The following PPARGC1B variants were observed in gnomAD, a reference collection of about 807,000 sequenced individuals.
PPARGC1B encodes PPARG coactivator 1 beta, also known as peroxisome proliferator-activated receptor gamma coactivator 1-beta.
A neutral mutation model predicts 101.6 loss-of-function variants in PPARGC1B; 34 were observed. That is an observed-to-expected ratio of 0.33 (90% confidence interval 0.25 to 0.45). The LOEUF is 0.45. Ranked by LOEUF, PPARGC1B falls within the 20% of genes least tolerant of loss-of-function variation. The probability of loss-of-function intolerance (pLI) is 1.00; values close to 1 mark genes in which losing one functional copy is unlikely to be tolerated. For synonymous variants in PPARGC1B, 548 were observed against 539.3 expected (o/e 1.02, Z -0.22); for missense variants, 1,234 against 1,317.6 (o/e 0.94, Z 0.98).
intron 1 of PPARGC1B, among the ~76,000 whole-genome samples, chr5:149,778,483 G>A (rs1756477521): frequency 6.6e-6 from 1 of 152,012 alleles, no homozygotes; most frequent in Admixed American, 6.6e-5. Context: ...CTGTCTCATG[G>A]AGAGTACCTG....
chr5:149,811,142 A>G (rs1470910809), intron 1 of PPARGC1B, among the ~76,000 whole-genome samples: 12 of 152,224 alleles, frequency 7.9e-5, no homozygotes, highest in African/African-American at 2.7e-4. Flanking sequence ...GTCTTTTGCT[A>G]TAGGACTGTT....
chr5:149,826,268 A>T (rs1029350874), intron 2 of PPARGC1B, among the ~76,000 whole-genome samples: 6 of 152,130 alleles, frequency 3.9e-5, no homozygotes, highest in Non-Finnish European at 8.8e-5. Flanking sequence ...CCTGGACCCC[A>T]GGGTCTGAGG....
intron 7 of PPARGC1B, among the ~76,000 whole-genome samples, chr5:149,835,588 T>C (rs1759021138): frequency 6.6e-6 from 1 of 152,208 alleles, no homozygotes; most frequent in South Asian, 2.1e-4. Context: ...GAACCAGCAT[T>C]ACAGGCGTGA....
chr5:149,809,403 CATAGATAG>C (rs201252118), intron 1 of PPARGC1B, among the ~76,000 whole-genome samples: 2 of 65,022 alleles, frequency 3.1e-5, no homozygotes, highest in African/African-American at 6.1e-5. Context: ...CCATCTCTAC[CATAGATAG>C]ATAGATAGAT....
intron 1 of PPARGC1B, among the ~76,000 whole-genome samples, chr5:149,804,544 T>C (rs1200247834): frequency 6.6e-6 from 1 of 152,128 alleles, no homozygotes; most frequent in East Asian, 1.9e-4. Context: ...TGGTGGAGCA[T>C]GCCTGTAGTC....
intron 1 of PPARGC1B, among the ~76,000 whole-genome samples, chr5:149,789,459 TC>T (rs1756935697): frequency 1.3e-5 from 2 of 152,166 alleles, no homozygotes; most frequent in African/African-American, 2.4e-5. Context: ...CAAGCAGAGT[TC>T]CTAGGAGGAT....
In PPARGC1B at chr5:149,732,350, A is replaced by C. The variant is rs10476744; in HGVS notation, c.78+1930A>C. The stretch of plus-strand genomic sequence containing the variant: ...CTCTTGGCTGAAAAGCGGATGAGAG[A>C]GGCCTGAAATAGCCGGAGACTCGTT... On this transcript the variant is annotated intron_variant, in intron 1 of 11. Coordinates refer to ENST00000309241, the MANE Select transcript of PPARGC1B (RefSeq NM_133263.4). 3.0e-3 allele frequency among the ~76,000 whole-genome samples: 454 copies of C among 152,298 alleles called. 1 individual carries two copies. The highest frequency in any genetic ancestry group is 0.01 in the African/African-American group (419 of 41,586).
intron 1 of PPARGC1B, among the ~76,000 whole-genome samples, chr5:149,784,528 T>A (rs1401242894): frequency 6.8e-6 from 1 of 147,582 alleles, no homozygotes; most frequent in African/African-American, 2.5e-5. Context: ...CCCTCCCAGG[T>A]GTCCTGAGCC....
At chr5:149,772,288 A>G (rs1284978776) in intron 1 of PPARGC1B, 5 of 1,475,382 alleles carry the variant, frequency 3.4e-6, no homozygotes, top group Non-Finnish European at 4.6e-6. Context: ...AGGGTACGGT[A>G]GTGTGCGTGA....
Position 149,833,855 on chromosome 5 carries a change from C to G in PPARGC1B, c.1705+77C>G. 4 of 1,421,790 alleles carry G rather than the reference C, an allele frequency of 2.8e-6. No homozygotes were observed. The highest frequency in any genetic ancestry group is 3.7e-6 in the Non-Finnish European group (4 of 1,092,514). 88.1% of individuals were successfully genotyped at this position (1,421,790 alleles called of 1,614,324 possible). A position where few individuals can be genotyped will look rare whatever the true frequency, so the allele number is the denominator to read the frequency against. ...GCCCCTCTGCACTGGGAGCCAGGAG[C>G]CCTGTGTTCAAGTCCCCGTCCCCCA... is the stretch of plus-strand genomic sequence containing the variant. On this transcript the variant is annotated intron_variant, in intron 5 of 11. Coordinates refer to ENST00000309241, the MANE Select transcript of PPARGC1B (RefSeq NM_133263.4). This position sits in a 1 kb window ranked among gnomAD's most constrained non-coding sequence, Gnocchi z 4.1.
intron 1 of PPARGC1B, among the ~76,000 whole-genome samples, chr5:149,743,486 C>T (rs1432703526): frequency 6.6e-6 from 1 of 152,120 alleles, no homozygotes; most frequent in East Asian, 1.9e-4. Context: ...CTCTTCTCTA[C>T]CCAGTTGGGA....
chr5:149,772,262 GTGGCGATGGTGGGT>G, intron 1 of PPARGC1B: 1 of 1,542,184 alleles, frequency 6.5e-7, no homozygotes, highest in Non-Finnish European at 8.8e-7. Flanking sequence ...TGGTTGTGAT[GTGGCGATGGTGGGT>G]TAGGGTACGG....
intron 1 of PPARGC1B, among the ~76,000 whole-genome samples, chr5:149,819,053 TG>T (rs1249966753): frequency 6.6e-6 from 1 of 152,226 alleles, no homozygotes; most frequent in African/African-American, 2.4e-5. Context: ...ACCATTAAAC[TG>T]GGGAGACCAG....
chr5:149,767,505 A>G (rs1231162813), intron 1 of PPARGC1B, among the ~76,000 whole-genome samples: 2 of 152,216 alleles, frequency 1.3e-5, no homozygotes, highest in Admixed American at 6.5e-5. Context: ...GGGGTCTCAG[A>G]GTAAGCAGAG....
chr5:149,748,333 A>G (rs1240129661), intron 1 of PPARGC1B, among the ~76,000 whole-genome samples: 1 of 151,768 alleles, frequency 6.6e-6, no homozygotes, highest in Non-Finnish European at 1.5e-5. Context: ...ATCTATATAT[A>G]TATATCTCAG....
At chr5:149,765,152 C>T (rs1012290676) in intron 1 of PPARGC1B, among the ~76,000 whole-genome samples, 4 of 152,236 alleles carry the variant, frequency 2.6e-5, no homozygotes, top group Admixed American at 6.5e-5. Flanking sequence ...TTAGGAGAGG[C>T]GTCCTCCTGC....
chr5:149,742,294 C>T lies in PPARGC1B; in HGVS notation c.78+11874C>T, dbSNP rs529936372. 1.1e-4 allele frequency among the ~76,000 whole-genome samples: 17 copies of T among 152,294 alleles called. No individual in the cohort carries two copies. The East Asian group carries it at 2.1e-3, about 19-fold the overall frequency. ...CTGTCCCCTCCCTGTGCCCCTCTCC[C>T]ATCTGCACCTGCACACTGCAAGGCT... On this transcript the variant is annotated intron_variant, in intron 1 of 11. Transcript: ENST00000309241.
intron 1 of PPARGC1B, among the ~76,000 whole-genome samples, chr5:149,772,948 GAA>G (rs1200909489): frequency 2.6e-5 from 4 of 152,206 alleles, no homozygotes; most frequent in Non-Finnish European, 5.9e-5. Flanking sequence ...GTTGTACTGT[GAA>G]CATACCTGGT....
chr5:149,774,093 T>TC (rs1490984200), intron 1 of PPARGC1B, among the ~76,000 whole-genome samples: 19 of 152,062 alleles, frequency 1.2e-4, no homozygotes, highest in Admixed American at 4.6e-4. Flanking sequence ...TTGTCCTGGG[T>TC]CCCCCTTTCA....
Sources: gnomAD v4.1 joint callset for allele counts (sites outside exome capture counted in the v4.1 genomes callset) on GRCh38, gnomAD v4.1.1 for gene constraint, Gnocchi (gnomAD v3.1) non-coding constraint, MANE v1.5 for transcripts, NCBI Gene and HGNC (gene_info 2026-07-23, HGNC 2026-07-21) for gene names.